Variants in SLC14A2 observed in about 807,000 individuals in gnomAD.
SLC14A2 encodes urea transporter 2.
A neutral mutation model predicts 104.6 loss-of-function variants in SLC14A2; 91 were observed. That is an observed-to-expected ratio of 0.87 (90% CI 0.73 to 1.04). The LOEUF (loss-of-function observed/expected upper bound fraction) is 1.04, where lower values mean the gene tolerates loss of function less well. Among genes scored for constraint, SLC14A2 ranks in the 50% least tolerant of loss-of-function variants. The pLI is 0.00. For missense variants in SLC14A2, 1,189 were observed against 1,156.0 expected (o/e 1.03, Z -0.41); for synonymous variants, 476 against 466.4 (o/e 1.02, Z -0.27).
chr18:45,292,752 C>T (rs1215646749), intron 1 of SLC14A2, among the ~76,000 whole-genome samples: 2 of 152,146 alleles, frequency 1.3e-5, no homozygotes, highest in East Asian at 1.9e-4. Flanking sequence ...CAATTAGAAA[C>T]CATTGACAAG....
intron 1 of SLC14A2, among the ~76,000 whole-genome samples, chr18:45,438,931 T>C (rs1568203986): frequency 6.6e-6 from 1 of 152,132 alleles, no homozygotes; most frequent in Non-Finnish European, 1.5e-5. Flanking sequence ...GTACCTCCAA[T>C]GTTACCTAGG....
In SLC14A2 at chr18:45,282,818, TACC is replaced by T. The variant is rs1380551033; in HGVS notation, c.-125+69628_-125+69630del. 3.0e-3 allele frequency among the ~76,000 whole-genome samples: 458 copies of T among 151,476 alleles called. 3 individuals are homozygous for T. Among genetic ancestry groups the T allele is most frequent in the African/African-American group, 0.01 (416 of 41,240 alleles). On this transcript the variant is annotated intron_variant, in intron 1 of 20. Transcript: ENST00000586448. ...TTTATTTCTTCCCTACCTCCCTCCC[TACC>T]TCCCTCCCTTCCTTTCTTTTCTTCT...
intron 2 of SLC14A2, among the ~76,000 whole-genome samples, chr18:45,584,629 T>G (rs75038358): frequency 2.6e-5 from 4 of 152,204 alleles, no homozygotes; most frequent in African/African-American, 4.8e-5. Context: ...CTTAGGAGCC[T>G]CAAGGTGGCG....
At chr18:45,673,344 G>T (rs1473347486) in intron 17 of SLC14A2, among the ~76,000 whole-genome samples, 1 of 152,230 alleles carries the variant, frequency 6.6e-6, no homozygotes. Context: ...CAGCAAGAAA[G>T]ATTCGTTCTC....
At chr18:45,215,017 G>C (rs1735277898) in intron 1 of SLC14A2, among the ~76,000 whole-genome samples, 1 of 151,890 alleles carries the variant, frequency 6.6e-6, no homozygotes, top group Non-Finnish European at 1.5e-5. Flanking sequence ...TTGGAGTTTA[G>C]AGAAGGGAGT....
At chr18:45,494,009 A>T (rs556182489) in intron 2 of SLC14A2, among the ~76,000 whole-genome samples, 2 of 152,350 alleles carry the variant, frequency 1.3e-5, no homozygotes, top group South Asian at 4.1e-4. Context: ...GAGGAAAGGC[A>T]AGCATCTTGG....
chr18:45,497,375 C>T lies in SLC14A2; in HGVS notation c.-35+14053C>T, dbSNP rs192715538. Among the ~76,000 whole-genome samples, 83 of 152,284 alleles carry T rather than the reference C, an allele frequency of 5.5e-4. No individual in the cohort carries two copies. In the Middle Eastern group the frequency reaches 0.014, roughly 25 times the overall value. Reference sequence around the variant, plus strand: ...GATACAACAGGTTCAAAACAGAAAACGTTTCTTATCCTGTGTGGGGGTCAT... The same window carrying T: ...GATACAACAGGTTCAAAACAGAAAATGTTTCTTATCCTGTGTGGGGGTCAT... On this transcript the variant is annotated intron_variant, in intron 2 of 20. Coordinates refer to the SLC14A2 transcript ENST00000586448.
intron 1 of SLC14A2, among the ~76,000 whole-genome samples, chr18:45,318,453 C>T (rs371983698): frequency 2.6e-5 from 4 of 152,218 alleles, no homozygotes; most frequent in Non-Finnish European, 4.4e-5. Context: ...TGAGAGAGTC[C>T]GTGTGAAAGT....
intron 1 of SLC14A2, among the ~76,000 whole-genome samples, chr18:45,288,809 C>T (rs1817390216): frequency 6.6e-6 from 1 of 152,210 alleles, no homozygotes; most frequent in Non-Finnish European, 1.5e-5. Context: ...CCGCCTGCCT[C>T]CCTGCTCTCA....
intron 2 of SLC14A2, among the ~76,000 whole-genome samples, chr18:45,493,705 C>T (rs1447859024): frequency 2.0e-5 from 3 of 152,228 alleles, no homozygotes; most frequent in Non-Finnish European, 2.9e-5. Flanking sequence ...CCAAAATTAC[C>T]TTCTATGATT....
chr18:45,296,683 T>A (rs965736523), intron 1 of SLC14A2, among the ~76,000 whole-genome samples: 1 of 152,190 alleles, frequency 6.6e-6, no homozygotes, highest in Non-Finnish European at 1.5e-5. Context: ...GGCCCACTGG[T>A]AGAAGTAAGA....
chr18:45,534,571 A>G (rs1468566125), intron 2 of SLC14A2, among the ~76,000 whole-genome samples: 1 of 152,192 alleles, frequency 6.6e-6, no homozygotes. Context: ...ATAACAATGT[A>G]GACCCTTGAA....
rs1362869166 is a variant in SLC14A2, at chr18:45,644,387, C to G, written c.1351+227C>G. 5 of 433,614 alleles carry G rather than the reference C, an allele frequency of 1.2e-5. No homozygotes were observed. In the East Asian group the frequency reaches 1.3e-4, roughly 11 times the overall value. The allele number at this position is 433,614 out of a possible 1,614,324, so 26.9% of individuals were successfully genotyped here. ...GCGACATTAAGGGATGTTGGTATTA[C>G]AGTAAAATTTCCGGAGTTAGCAATA... On this transcript the variant is annotated intron_variant, in intron 10 of 19. Transcript: ENST00000255226.
intron 1 of SLC14A2, among the ~76,000 whole-genome samples, chr18:45,469,070 G>T (rs982607407): frequency 1.3e-5 from 2 of 152,188 alleles, no homozygotes; most frequent in Non-Finnish European, 2.9e-5. Context: ...CCCCTCTGTT[G>T]CCCTTGAAGC....
At chr18:45,433,374 T>C (rs2086547640) in intron 1 of SLC14A2, among the ~76,000 whole-genome samples, 1 of 152,238 alleles carries the variant, frequency 6.6e-6, no homozygotes, top group East Asian at 1.9e-4. Context: ...CGTCCACTCT[T>C]CCCTTATCTT....
chr18:45,293,527 G>GC (rs1180730879), intron 1 of SLC14A2, among the ~76,000 whole-genome samples: 1 of 151,060 alleles, frequency 6.6e-6, no homozygotes, highest in African/African-American at 2.4e-5. Context: ...CCCGAGAAGT[G>GC]CCATTTAAGC....
At chr18:45,471,556 G>A (rs1271461818) in intron 1 of SLC14A2, among the ~76,000 whole-genome samples, 2 of 151,852 alleles carry the variant, frequency 1.3e-5, no homozygotes, top group Non-Finnish European at 2.9e-5. Context: ...TAGATCTATT[G>A]TATCTATTTT....
At chr18:45,560,733 C>A (rs1170393161) in intron 2 of SLC14A2, among the ~76,000 whole-genome samples, 1 of 152,078 alleles carries the variant, frequency 6.6e-6, no homozygotes, top group African/African-American at 2.4e-5. Flanking sequence ...AAAATTCAGC[C>A]CCTTCCCCAA....
intron 2 of SLC14A2, among the ~76,000 whole-genome samples, chr18:45,536,736 T>G (rs2043791977): frequency 6.6e-6 from 1 of 152,186 alleles, no homozygotes; most frequent in Non-Finnish European, 1.5e-5. Flanking sequence ...CAAAAAAAGC[T>G]GCATATGAAT....
Sources: allele counts gnomAD v4.1 joint callset (sites outside exome capture counted in the v4.1 genomes callset), GRCh38; gene constraint gnomAD v4.1.1; transcripts MANE v1.5; gene names NCBI Gene and HGNC (gene_info 2026-07-23, HGNC 2026-07-21).